SLAIN1: variants seen among roughly 807,000 people sequenced by gnomAD.
The protein encoded by SLAIN1 is SLAIN motif-containing protein 1.
A neutral mutation model predicts 55.4 loss-of-function variants in SLAIN1; 17 were observed. The observed-to-expected ratio is 0.31, with a 90% CI of 0.21 to 0.46. SLAIN1 has a LOEUF of 0.46. SLAIN1 is among the 20% of genes least tolerant of loss of function. SLAIN1 has a pLI of 1.00. For synonymous variants in SLAIN1, 348 were observed against 337.4 expected (o/e 1.03, Z -0.35); for missense variants, 682 against 785.1 (o/e 0.87, Z 1.57).
At chr13:77,702,248 C>T (rs1164649285) in intron 1 of SLAIN1, among the ~76,000 whole-genome samples, 1 of 152,000 alleles carries the variant, frequency 6.6e-6, no homozygotes, top group Non-Finnish European at 1.5e-5. Context: ...TATAGTAAAA[C>T]TCTCATCCTG....
intron 1 of SLAIN1, among the ~76,000 whole-genome samples, chr13:77,712,576 A>G (rs2091163408): frequency 6.6e-6 from 1 of 152,238 alleles, no homozygotes; most frequent in African/African-American, 2.4e-5. Context: ...AAACAAATGG[A>G]AATACATTCC....
At chr13:77,742,772 G>A (rs1350964430) in intron 2 of SLAIN1, 1 of 156,416 alleles carries the variant, frequency 6.4e-6, no homozygotes, top group African/African-American at 2.4e-5. Context: ...ATACAGGCAT[G>A]TTGGCTTTAA....
intron 1 of SLAIN1, among the ~76,000 whole-genome samples, chr13:77,715,425 A>G (rs2091196708): frequency 6.6e-6 from 1 of 152,182 alleles, no homozygotes; most frequent in African/African-American, 2.4e-5. Context: ...TCATATGAAC[A>G]TGCTTTCATT....
At chr13:77,753,905 T>C (rs964950354) in intron 5 of SLAIN1, among the ~76,000 whole-genome samples, 12 of 152,308 alleles carry the variant, frequency 7.9e-5, no homozygotes, top group African/African-American at 2.9e-4. Context: ...CTATTTAGCT[T>C]ACCCCACATT....
At chr13:77,731,003 A>G (rs779926668) in intron 2 of SLAIN1, among the ~76,000 whole-genome samples, 1 of 152,188 alleles carries the variant, frequency 6.6e-6, no homozygotes, top group Non-Finnish European at 1.5e-5. Flanking sequence ...TGGGATGGAA[A>G]ATATGAGAGA....
intron 2 of SLAIN1, among the ~76,000 whole-genome samples, chr13:77,739,557 GAATT>G (rs1566237028): frequency 6.6e-6 from 1 of 151,998 alleles, no homozygotes; most frequent in Non-Finnish European, 1.5e-5. Flanking sequence ...TCTTTTATGT[GAATT>G]AAGTAATTGC....
chr13:77,723,376 C>A (rs1052052581), intron 2 of SLAIN1, among the ~76,000 whole-genome samples: 10 of 152,286 alleles, frequency 6.6e-5, no homozygotes, highest in African/African-American at 2.2e-4. Context: ...CAAGTACTTT[C>A]CTTTCTATTC....
chr13:77,739,730 A>C (rs565751534), intron 2 of SLAIN1, among the ~76,000 whole-genome samples: 22 of 152,240 alleles, frequency 1.4e-4, no homozygotes, highest in Non-Finnish European at 2.5e-4. Context: ...TGACAAATTA[A>C]AGAAACTTAG....
At chr13:77,752,761 G>C (rs1403115889) in intron 4 of SLAIN1, among the ~76,000 whole-genome samples, 2 of 152,212 alleles carry the variant, frequency 1.3e-5, no homozygotes, top group African/African-American at 4.8e-5. Flanking sequence ...TCTGATGCTC[G>C]AGGGTAGGAA....
intron 2 of SLAIN1, among the ~76,000 whole-genome samples, chr13:77,738,233 T>TATATACAG (rs1566236433): frequency 1.1e-4 from 4 of 37,198 alleles, no homozygotes; most frequent in Non-Finnish European, 2.1e-4. Context: ...CATATATACA[T>TATATACAG]ATACATATAT....
intron 2 of SLAIN1, among the ~76,000 whole-genome samples, chr13:77,736,979 A>G (rs1873151807): frequency 6.6e-6 from 1 of 151,808 alleles, no homozygotes; most frequent in Admixed American, 6.6e-5. Context: ...TCTAACACCT[A>G]TTTGTTGATG....
At chr13:77,746,900 T>C in intron 4 of SLAIN1, 45 bp downstream of exon 4, 1 of 1,474,788 alleles carries the variant, frequency 6.8e-7, no homozygotes, top group South Asian at 1.3e-5. Flanking sequence ...TTAATTTTTT[T>C]ATATGTGGTC....
At chr13:77,724,316 C>CT (rs959968384) in intron 2 of SLAIN1, among the ~76,000 whole-genome samples, 5 of 152,146 alleles carry the variant, frequency 3.3e-5, no homozygotes, top group African/African-American at 1.2e-4. Context: ...CTCTGTGGTA[C>CT]TTCGCACCTA....
intron 2 of SLAIN1, among the ~76,000 whole-genome samples, chr13:77,743,673 C>T (rs1873613424): frequency 6.6e-6 from 1 of 151,668 alleles, no homozygotes; most frequent in Non-Finnish European, 1.5e-5. Context: ...TATCTGAAGC[C>T]ATTGATTTTT....
Position 77,761,103 on chromosome 13 carries a change from G to A in SLAIN1, c.1690G>A (p.Val564Ile). ...NLPRSKIAQP[V>I]RSFLQPPKPL... ...GCCTCGAAGCAAAATTGCACAACCT[G>A]TTAGAAGGTAAGAATGTGTATTTGC... The change falls in exon 6 of 7, where the codon GTT becomes ATT. Residue 564 changes from valine (V) to isoleucine (I), a missense_variant. By Grantham distance (29) the Val-to-Ile change is conservative. This residue lies in a region of SLAIN1 where 244 missense variants were observed against 295.2 expected (regional missense o/e 0.83). Coordinates refer to ENST00000418532, the MANE Select transcript of SLAIN1 (RefSeq NM_001242868.2). 1 of 1,614,012 alleles carries A rather than the reference G, an allele frequency of 6.2e-7. No individual in the cohort carries two copies. The highest frequency in any genetic ancestry group is 1.1e-5 in the South Asian group (1 of 91,076).
At chr13:77,708,875 C>G (rs1396739150) in intron 1 of SLAIN1, among the ~76,000 whole-genome samples, 3 of 152,068 alleles carry the variant, frequency 2.0e-5, no homozygotes, top group African/African-American at 7.2e-5. Context: ...GATCACAACT[C>G]CTTGCCAGCA....
Position 77,698,652 on chromosome 13 carries a change from C to T in SLAIN1, c.626+113C>T. 6.2e-6 allele frequency: 8 copies of T among 1,298,432 alleles called. No homozygotes were observed. The highest frequency in any genetic ancestry group is 7.8e-6 in the Non-Finnish European group (8 of 1,022,690). 80.4% of individuals were successfully genotyped at this position (1,298,432 alleles called of 1,614,324 possible). ...CCCTCGCGGCAGCCGGGGTGACTCC[C>T]CGCGGCTCCCGGAGGGGCCGACCCA... On this transcript the variant is annotated intron_variant, in intron 1 of 6. Coordinates refer to ENST00000418532, the MANE Select transcript of SLAIN1 (RefSeq NM_001242868.2). This position sits in a 1 kb window ranked among gnomAD's most constrained non-coding sequence, Gnocchi z 4.1.
rs1387825730 is a variant in SLAIN1 at position 77,697,946 on chromosome 13, AG to A, written c.37del (p.Val13SerfsTer11). ...MAEQVKCASA[G>X]VSSGAGSGPV... ...CGGAGCAGGTGAAATGCGCCTCGGC[AG>A]GGGTCAGCTCTGGAGCGGGCTCCGG... On this transcript the variant is annotated frameshift_variant, in exon 1 of 7. Transcript: ENST00000418532. LOFTEE classifies it high-confidence loss of function. The A allele has an allele frequency of 1.4e-6, 2 of 1,433,518 alleles. No individual in the cohort carries two copies. The highest frequency in any genetic ancestry group is 3.3e-5 in the East Asian group (1 of 30,020). The allele number at this position is 1,433,518 out of a possible 1,614,324, so 88.8% of individuals were successfully genotyped here.
At chr13:77,749,049 C>T (rs896252491) in intron 4 of SLAIN1, among the ~76,000 whole-genome samples, 12 of 151,980 alleles carry the variant, frequency 7.9e-5, no homozygotes, top group Admixed American at 5.9e-4. Flanking sequence ...GATGTCCTAG[C>T]CTGCATTTGT....
Sources: gnomAD v4.1 joint callset for allele counts (sites outside exome capture counted in the v4.1 genomes callset) on GRCh38, gnomAD v4.1.1 for gene constraint, gnomAD v4.1.1 regional missense constraint, Gnocchi (gnomAD v3.1) non-coding constraint, MANE v1.5 for transcripts, NCBI Gene and HGNC (gene_info 2026-07-23, HGNC 2026-07-21) for gene names.